The following C4orf51 variants were observed in gnomAD, a reference collection of about 807,000 sequenced individuals.
The protein encoded by C4orf51 is uncharacterized protein C4orf51.
A neutral mutation model predicts 25.2 loss-of-function variants in C4orf51; 25 were observed. That is an observed-to-expected ratio of 0.99 (90% CI 0.72 to 1.39). C4orf51 has a LOEUF of 1.39. Ranked by LOEUF, C4orf51 falls within the 40% of genes most tolerant of loss-of-function variation. The pLI, the probability that C4orf51 is intolerant of heterozygous loss-of-function variation, is 0.00. For missense variants in C4orf51, 252 were observed against 239.6 expected (o/e 1.05, Z -0.34); for synonymous variants, 100 against 84.5 (o/e 1.18, Z -1.01).
At chr4:145,711,387 C>A (rs533238139) in intron 2 of C4orf51, among the ~76,000 whole-genome samples, 8 of 152,298 alleles carry the variant, frequency 5.3e-5, no homozygotes, top group Admixed American at 2.6e-4. Context: ...GAAAAGTCAC[C>A]TTTGGGTTGA....
At chr4:145,745,829 C>T (rs974817633) in intron 1 of C4orf51, among the ~76,000 whole-genome samples, 13 of 152,206 alleles carry the variant, frequency 8.5e-5, no homozygotes, top group Non-Finnish European at 1.3e-4. Context: ...TACTAATTTA[C>T]ATTCCCACCA....
chr4:145,684,998 A>T (rs111519612), intron 1 of C4orf51, among the ~76,000 whole-genome samples: 16 of 152,218 alleles, frequency 1.1e-4, no homozygotes, highest in African/African-American at 3.6e-4. Flanking sequence ...GTAAATACAC[A>T]ATCATAGTTG....
At chr4:145,791,000 T>C in the C4orf51 span, among the ~76,000 whole-genome samples, 1 of 152,250 alleles carries the variant, frequency 6.6e-6, no homozygotes, top group Non-Finnish European at 1.5e-5. Context: ...TATGTTTTTA[T>C]ATGATGGGAG....
intron 1 of C4orf51, among the ~76,000 whole-genome samples, chr4:145,692,051 T>C (rs529070391): frequency 3.4e-4 from 40 of 116,960 alleles, no homozygotes; most frequent in Admixed American, 6.4e-4. Flanking sequence ...CTATGGATAT[T>C]GTAGACCTAG....
intron 1 of C4orf51, among the ~76,000 whole-genome samples, chr4:145,690,209 A>AAAAT (rs926159237): frequency 1.3e-5 from 2 of 150,858 alleles, no homozygotes; most frequent in Non-Finnish European, 2.9e-5. Context: ...CTCCGTAAAA[A>AAAAT]AAATAAATAA....
Position 145,761,646 on chromosome 4 carries a change from GGCAGCCGC to G in C4orf51, n.167-9339_167-9332del. Reference sequence around the variant, plus strand: ...GGAGGTTCAGCCGGGAAGGTTCGGAGGCAGCCGCGCTTCTCGCCGCCTCACCAGCCTTC... The same window carrying G: ...GGAGGTTCAGCCGGGAAGGTTCGGAGGCTTCTCGCCGCCTCACCAGCCTTC... On this transcript the variant is annotated intron_variant and non_coding_transcript_variant, in intron 1 of 1. Transcript: ENST00000510096. The surrounding 1 kb of genome is among the most constrained non-coding windows in gnomAD (Gnocchi z 6.8). 1 of 1,147,604 alleles carries G rather than the reference GGCAGCCGC, an allele frequency of 8.7e-7. No homozygotes were observed. The highest frequency in any genetic ancestry group is 1.1e-6 in the Non-Finnish European group (1 of 883,026). 71.1% of individuals were successfully genotyped at this position (1,147,604 alleles called of 1,614,324 possible).
At chr4:145,751,931 T>TG (rs1188017536) in intron 1 of C4orf51, among the ~76,000 whole-genome samples, 2 of 152,198 alleles carry the variant, frequency 1.3e-5, no homozygotes, top group East Asian at 3.9e-4. Flanking sequence ...TACCATCACG[T>TG]GCCCACAATA....
downstream of C4orf51, chr4:145,771,130 C>G (rs1736215931): frequency 1.3e-5 from 2 of 152,208 alleles, 1 homozygote; most frequent in South Asian, 4.1e-4. Context: ...GTTTTCTTAA[C>G]AGTTTATAGG....
At chr4:145,688,820 C>A (rs574980440) in intron 1 of C4orf51, among the ~76,000 whole-genome samples, 1 of 152,194 alleles carries the variant, frequency 6.6e-6, no homozygotes, top group African/African-American at 2.4e-5. Flanking sequence ...GAACTTGACA[C>A]AATGATTCTA....
At chr4:145,776,123 A>C in the C4orf51 span, among the ~76,000 whole-genome samples, 1 of 152,156 alleles carries the variant, frequency 6.6e-6, no homozygotes, top group Admixed American at 6.5e-5. Flanking sequence ...AAAAGTCTTT[A>C]CCCAGCAGGT....
At chr4:145,723,538 G>A (rs1731872661) in intron 2 of C4orf51, among the ~76,000 whole-genome samples, 1 of 151,950 alleles carries the variant, frequency 6.6e-6, no homozygotes. Context: ...GATTCTGCAA[G>A]CCTACACTTG....
At chr4:145,770,607 TAATG>T (rs1198850124) in intron 1 of C4orf51, among the ~76,000 whole-genome samples, 1 of 151,868 alleles carries the variant, frequency 6.6e-6, no homozygotes, top group Non-Finnish European at 1.5e-5. Flanking sequence ...AATATAATAA[TAATG>T]ATAACTAATA....
chr4:145,763,419 T>A lies in C4orf51; in HGVS notation n.167-7569T>A, dbSNP rs1312104424. 6.6e-6 allele frequency among the ~76,000 whole-genome samples: 1 copy of A among 152,194 alleles called. No homozygotes were observed. The highest frequency in any genetic ancestry group is 1.5e-5 in the Non-Finnish European group (1 of 68,030). On this transcript the variant is annotated intron_variant and non_coding_transcript_variant, in intron 1 of 1. Coordinates refer to the C4orf51 transcript ENST00000510096. The surrounding 1 kb of genome is among the most constrained non-coding windows in gnomAD (Gnocchi z 4.6). ...AGACTCACTGTATAGCCAGAAGGCA[T>A]TATCAATTTTTTCAAAGTATTCTTC...
intron 1 of C4orf51, among the ~76,000 whole-genome samples, chr4:145,746,291 C>T (rs772323484): frequency 5.3e-5 from 8 of 152,056 alleles, no homozygotes; most frequent in Non-Finnish European, 7.4e-5. Context: ...AATCTTTGCC[C>T]GCTCCAGTGT....
At position 145,762,803 on chromosome 4, in the gene C4orf51, G is replaced by A. The variant is rs928076706; in HGVS notation, n.167-8185G>A. ...GGAGTCAGTGGCTTATATGAGAACT[G>A]TAGTGTGTTTGCTCTCTTTCCACAA... On this transcript the variant is annotated intron_variant and non_coding_transcript_variant, in intron 1 of 1. Coordinates refer to the C4orf51 transcript ENST00000510096. The surrounding 1 kb of genome is among the most constrained non-coding windows in gnomAD (Gnocchi z 4.9). Among the ~76,000 whole-genome samples, 2 of 152,234 alleles carry A rather than the reference G, an allele frequency of 1.3e-5. No individual in the cohort carries two copies. The highest frequency in any genetic ancestry group is 2.4e-5 in the African/African-American group (1 of 41,460).
Position 145,761,979 on chromosome 4 carries a change from A to G in C4orf51, n.167-9009A>G, listed in dbSNP as rs1406079178. ...TCCCGACCAGACAGCGCAGAGGTCT[A>G]AACCTCCTGACCTCCCCTCTAGATG... On this transcript the variant is annotated intron_variant and non_coding_transcript_variant, in intron 1 of 1. Transcript: ENST00000510096. This position sits in a 1 kb window ranked among gnomAD's most constrained non-coding sequence, Gnocchi z 6.8. 6.6e-6 allele frequency among the ~76,000 whole-genome samples: 1 copy of G among 152,088 alleles called. No homozygotes were observed. The highest frequency in any genetic ancestry group is 2.4e-5 in the African/African-American group (1 of 41,408).
intron 1 of C4orf51, among the ~76,000 whole-genome samples, 191 bp from the exon 2 acceptor site, chr4:145,696,368 G>T (rs971730213): frequency 4.6e-5 from 7 of 152,120 alleles, no homozygotes; most frequent in African/African-American, 1.7e-4. Flanking sequence ...TAATACCTGG[G>T]TGATGAAGTA....
rs141147414 is a variant in C4orf51, at chr4:145,742,532, GTT to G, written n.167+9937_167+9938del. ...TACACGACAGCATTTTCTTTTTCTTGTTTTTTTTTTTTTTTTTTTTTTTTTGA... is the reference window on the plus strand; with the variant it reads ...TACACGACAGCATTTTCTTTTTCTTGTTTTTTTTTTTTTTTTTTTTTTTGA... On this transcript the variant is annotated intron_variant and non_coding_transcript_variant, in intron 1 of 1. Transcript: ENST00000508981. Among the ~76,000 whole-genome samples, 817 of 104,870 alleles carry G rather than the reference GTT, an allele frequency of 7.8e-3. 2 individuals are homozygous for G. Among genetic ancestry groups the G allele is most frequent in the African/African-American group, 0.032 (781 of 24,416 alleles). The allele number at this position is 104,870 out of a possible 152,430, so 68.8% of individuals were successfully genotyped here. A position where few individuals can be genotyped will look rare whatever the true frequency, so the allele number is the denominator to read the frequency against.
intron 1 of C4orf51, chr4:145,764,857 G>A: frequency 7.9e-7 from 1 of 1,269,780 alleles, no homozygotes. Context: ...AGGGGTTCCT[G>A]ACTAACTCCT....
Sources: allele counts gnomAD v4.1 joint callset (sites outside exome capture counted in the v4.1 genomes callset), GRCh38; gene constraint gnomAD v4.1.1; non-coding constraint Gnocchi (gnomAD v3.1); transcripts MANE v1.5; gene names NCBI Gene and HGNC (gene_info 2026-07-23, HGNC 2026-07-21).